The following NEGR1 variants were observed in gnomAD, a reference collection of about 807,000 sequenced individuals.
The protein encoded by NEGR1 is neuronal growth regulator 1, also known as IgLON family member 4.
In NEGR1, 10 loss-of-function variants were observed where a neutral mutation model predicts 40.9. The observed-to-expected ratio is 0.24, with a 90% CI of 0.15 to 0.42. The LOEUF (loss-of-function observed/expected upper bound fraction) is 0.42. Among genes scored for constraint, NEGR1 ranks in the 10% least tolerant of loss-of-function variants. The pLI, the probability that NEGR1 is intolerant of heterozygous loss-of-function variation, is 1.00. For missense variants in NEGR1, 352 were observed against 438.9 expected (o/e 0.80, Z 1.77); for synonymous variants, 185 against 166.8 (o/e 1.11, Z -0.84).
intron 1 of NEGR1, among the ~76,000 whole-genome samples, chr1:71,951,913 T>A (rs1489049936): frequency 6.6e-6 from 1 of 151,912 alleles, no homozygotes; most frequent in East Asian, 1.9e-4. Context: ...GATGTTACCA[T>A]TATAATTTTT....
At chr1:71,597,472 C>CTCTGTGTGTGTGTGTGTGTG (rs756076229) in intron 5 of NEGR1, among the ~76,000 whole-genome samples, 22 of 31,330 alleles carry the variant, frequency 7.0e-4, no homozygotes, top group South Asian at 4.6e-3. Flanking sequence ...CTCTCTCTCT[C>CTCTGTGTGTGTGTGTGTGTG]TGTGTGTGTG....
intron 6 of NEGR1, among the ~76,000 whole-genome samples, chr1:71,564,366 A>C (rs1486026952): frequency 6.6e-6 from 1 of 152,126 alleles, no homozygotes; most frequent in African/African-American, 2.4e-5. Flanking sequence ...ACATATGTTA[A>C]GTAGTGGATT....
intron 3 of NEGR1, among the ~76,000 whole-genome samples, chr1:71,744,131 A>T (rs192825707): frequency 6.6e-6 from 1 of 152,108 alleles, no homozygotes; most frequent in Non-Finnish European, 1.5e-5. Flanking sequence ...GACCTTATTT[A>T]GTATTATTTA....
At chr1:71,758,023 C>T (rs1655801636) in intron 3 of NEGR1, among the ~76,000 whole-genome samples, 1 of 151,868 alleles carries the variant, frequency 6.6e-6, no homozygotes, top group South Asian at 2.1e-4. Flanking sequence ...AACCCTGTTA[C>T]ATTGCTGCTA....
At chr1:72,063,357 A>C (rs963280781) in intron 1 of NEGR1, among the ~76,000 whole-genome samples, 1 of 151,870 alleles carries the variant, frequency 6.6e-6, no homozygotes, top group African/African-American at 2.4e-5. Context: ...TGCCATTGGA[A>C]GTAATGGCAA....
intron 6 of NEGR1, among the ~76,000 whole-genome samples, chr1:71,470,915 C>T (rs914465800): frequency 6.6e-6 from 1 of 152,088 alleles, no homozygotes; most frequent in Admixed American, 6.6e-5. Flanking sequence ...TTTGATTTCC[C>T]TTTTGCTTCT....
intron 1 of NEGR1, among the ~76,000 whole-genome samples, chr1:72,037,141 T>C (rs901050098): frequency 2.6e-5 from 4 of 152,080 alleles, no homozygotes; most frequent in Non-Finnish European, 4.4e-5. Context: ...ACCTTAAATA[T>C]TTTCTTCTTC....
chr1:71,777,404 T>G (rs1656551023), intron 2 of NEGR1, among the ~76,000 whole-genome samples: 2 of 152,098 alleles, frequency 1.3e-5, no homozygotes. Flanking sequence ...GGTGTTTGAA[T>G]TTCATTTTAG....
intron 1 of NEGR1, among the ~76,000 whole-genome samples, chr1:72,019,631 CTTAATT>C (rs1646740240): frequency 6.6e-6 from 1 of 152,170 alleles, no homozygotes; most frequent in African/African-American, 2.4e-5. Context: ...TTGGCTTTGT[CTTAATT>C]TTAAAGTTGC....
rs1420656085 is a variant in NEGR1 at position 71,403,601 on chromosome 1, C to T, written c.*3845G>A. On this transcript the variant is annotated 3_prime_UTR_variant, in exon 7 of 7. Transcript: ENST00000357731. ...AACTGTAGCATCTAGAATTTTTACC[C>T]TGTACTGCTTTAGAGTAAGCAGAAA... The T allele has an allele frequency of 7.6e-6, 2 of 263,094 alleles. No individual in the cohort carries two copies. Among genetic ancestry groups the T allele is most frequent in the African/African-American group, 4.4e-5 (2 of 45,856 alleles). 16.3% of individuals were successfully genotyped at this position (263,094 alleles called of 1,614,324 possible). A position where few individuals can be genotyped will look rare whatever the true frequency, so the allele number is the denominator to read the frequency against.
chr1:71,612,715 A>C (rs943075440), intron 4 of NEGR1, among the ~76,000 whole-genome samples: 1 of 152,196 alleles, frequency 6.6e-6, no homozygotes, highest in African/African-American at 2.4e-5. Context: ...AGATGGCAAA[A>C]CTTGCACAAA....
chr1:71,738,632 C>A (rs1655112595), intron 3 of NEGR1, among the ~76,000 whole-genome samples: 1 of 151,984 alleles, frequency 6.6e-6, no homozygotes, highest in African/African-American at 2.4e-5. Context: ...GGAATGCTGT[C>A]TGGTGTAGAG....
chr1:72,038,413 T>C (rs1425418711), intron 1 of NEGR1, among the ~76,000 whole-genome samples: 4 of 152,024 alleles, frequency 2.6e-5, no homozygotes, highest in Non-Finnish European at 5.9e-5. Flanking sequence ...CATGCCATGA[T>C]GTTTCAATAA....
At chr1:71,955,835 C>A (rs79580358) in intron 1 of NEGR1, among the ~76,000 whole-genome samples, 1 of 152,092 alleles carries the variant, frequency 6.6e-6, no homozygotes, top group Admixed American at 6.6e-5. Flanking sequence ...TAAGTTTTCA[C>A]GGACCATTCT....
chr1:72,199,146 C>CAGAGAGAGAGAGAGAGAG (rs1339899074), intron 1 of NEGR1, among the ~76,000 whole-genome samples: 12 of 139,084 alleles, frequency 8.6e-5, no homozygotes, highest in African/African-American at 3.4e-4. Context: ...TCTAGATAGA[C>CAGAGAGAGAGAGAGAGAG]AGACAGAGAG....
chr1:71,845,097 T>G (rs1659361090), intron 2 of NEGR1, among the ~76,000 whole-genome samples: 1 of 152,204 alleles, frequency 6.6e-6, no homozygotes, highest in African/African-American at 2.4e-5. Context: ...GAAATTGTTC[T>G]TAATAAATAA....
chr1:71,474,517 T>TACACACACACACAC (rs57225665), intron 6 of NEGR1, among the ~76,000 whole-genome samples: 26 of 115,444 alleles, frequency 2.3e-4, no homozygotes, highest in African/African-American at 6.7e-4. Context: ...CTACTAACAA[T>TACACACACACACAC]ACACACACAC....
intron 6 of NEGR1, among the ~76,000 whole-genome samples, chr1:71,522,536 T>C (rs756490046): frequency 1.3e-5 from 2 of 151,852 alleles, no homozygotes; most frequent in African/African-American, 2.4e-5. Context: ...AAAAGTGCTA[T>C]GAATGAAATA....
chr1:71,470,995 C>T (rs908609061), intron 6 of NEGR1, among the ~76,000 whole-genome samples: 1 of 152,108 alleles, frequency 6.6e-6, no homozygotes, highest in Non-Finnish European at 1.5e-5. Flanking sequence ...CCAGCTAATG[C>T]TGTTTTCTGT....
Sources: allele counts gnomAD v4.1 joint callset (sites outside exome capture counted in the v4.1 genomes callset), GRCh38; gene constraint gnomAD v4.1.1; transcripts MANE v1.5; gene names NCBI Gene and HGNC (gene_info 2026-07-23, HGNC 2026-07-21).